The following MYO1B variants were observed in gnomAD, a reference collection of about 807,000 sequenced individuals.
MYO1B encodes myosin IB.
Under a neutral mutation model 159.7 loss-of-function variants are expected in MYO1B, and 72 were observed. The observed-to-expected ratio is 0.45, with a 90% CI of 0.37 to 0.55. The LOEUF is 0.55. Among genes scored for constraint, MYO1B ranks in the 20% least tolerant of loss-of-function variants. The probability of loss-of-function intolerance (pLI) is 0.00; values close to 1 mark genes in which losing one functional copy is unlikely to be tolerated. For synonymous variants in MYO1B, 468 were observed against 473.8 expected, an observed-to-expected ratio of 0.99 and a Z score of 0.16; for missense variants, 1,062 against 1,364.8, an observed-to-expected ratio of 0.78 and a Z score of 3.50.
At chr2:191,301,210 A>G (rs956579120) in intron 3 of MYO1B, among the ~76,000 whole-genome samples, 6 of 152,230 alleles carry the variant, frequency 3.9e-5, no homozygotes, top group Admixed American at 1.3e-4. Context: ...TCTTTCCAGT[A>G]TGATTTTTAA....
intron 21 of MYO1B, among the ~76,000 whole-genome samples, chr2:191,399,146 A>G (rs554015370): frequency 6.6e-6 from 1 of 152,192 alleles, no homozygotes; most frequent in East Asian, 1.9e-4. Context: ...CGCACCTGCA[A>G]TCGCAGGCAC....
At chr2:191,365,459 T>TTA (rs891950111) in intron 11 of MYO1B, among the ~76,000 whole-genome samples, 3 of 152,196 alleles carry the variant, frequency 2.0e-5, no homozygotes, top group African/African-American at 4.8e-5. Flanking sequence ...TACCATAACT[T>TTA]TATATATATG....
chr2:191,393,480 G>A (rs907730615), intron 20 of MYO1B, among the ~76,000 whole-genome samples: 1 of 152,158 alleles, frequency 6.6e-6, no homozygotes, highest in African/African-American at 2.4e-5. Context: ...CTCAAGTTCA[G>A]TGTGCCATAC....
At chr2:191,363,915 T>C in intron 10 of MYO1B, 40 bp downstream of exon 10, 1 of 1,611,866 alleles carries the variant, frequency 6.2e-7, no homozygotes, top group East Asian at 2.2e-5. Flanking sequence ...TTTAGGAAAC[T>C]TGCTTTGAAC....
intron 2 of MYO1B, among the ~76,000 whole-genome samples, chr2:191,295,458 A>AAATTTAATGTTGACATTAAATTT (rs1262496841): frequency 1.6e-4 from 24 of 152,226 alleles, no homozygotes; most frequent in Non-Finnish European, 3.4e-4. Context: ...CATTAAATTT[A>AAATTTAATGTTGACATTAAATTT]AATGTTGACA....
intron 15 of MYO1B, among the ~76,000 whole-genome samples, chr2:191,384,737 T>C (rs1205675978): frequency 1.3e-5 from 2 of 152,250 alleles, no homozygotes; most frequent in African/African-American, 4.8e-5. Context: ...CATTTAATTA[T>C]TCTCTTTTAA....
intron 1 of MYO1B, among the ~76,000 whole-genome samples, chr2:191,246,725 G>A (rs1685815384): frequency 6.6e-6 from 1 of 152,116 alleles, no homozygotes; most frequent in Admixed American, 6.5e-5. Flanking sequence ...GTATAATATA[G>A]TACAACAGTT....
At chr2:191,279,522 T>TA (rs974928837) in intron 2 of MYO1B, among the ~76,000 whole-genome samples, 15 of 151,968 alleles carry the variant, frequency 9.9e-5, no homozygotes, top group African/African-American at 3.1e-4. Flanking sequence ...CTTTTGTAAT[T>TA]AAAAAAAAGC....
intron 28 of MYO1B, 151 bp from the exon 29 acceptor site, chr2:191,414,366 C>T: frequency 3.9e-6 from 4 of 1,017,534 alleles, no homozygotes; most frequent in Non-Finnish European, 5.5e-6. Context: ...TGAAATAAAA[C>T]ATATTATTTA....
At chr2:191,347,160 C>G (rs964515642) in intron 6 of MYO1B, among the ~76,000 whole-genome samples, 1 of 152,200 alleles carries the variant, frequency 6.6e-6, no homozygotes, top group African/African-American at 2.4e-5. Context: ...TCTCCACCTT[C>G]TTCTTTTAGA....
In MYO1B at chr2:191,402,612, TAC is replaced by T. The variant is rs1407239695; in HGVS notation, c.2470-19_2470-18del. ...TCTGCATTGGGCTGTCTCTTTTATT[TAC>T]TATCTAAAACATTCTAGGCTCGAAG... On this transcript the variant is annotated intron_variant, in intron 23 of 30. Transcript: ENST00000392318. 6.2e-7 allele frequency: 1 copy of T among 1,609,444 alleles called. No homozygotes were observed. Among genetic ancestry groups the T allele is most frequent in the Admixed American group, 1.7e-5 (1 of 59,754 alleles).
chr2:191,248,547 G>A (rs1010610214), intron 1 of MYO1B, among the ~76,000 whole-genome samples: 9 of 152,142 alleles, frequency 5.9e-5, no homozygotes, highest in African/African-American at 1.4e-4. Context: ...GCTGCGGCTC[G>A]CTGCCACTGC....
chr2:191,403,987 G>A (rs1291298347), intron 24 of MYO1B, among the ~76,000 whole-genome samples: 3 of 152,036 alleles, frequency 2.0e-5, no homozygotes, highest in African/African-American at 7.2e-5. Flanking sequence ...AAGTTAACTG[G>A]GCTTACTCTA....
rs539610268 is a variant in MYO1B at position 191,382,890 on chromosome 2, G to A, written c.1291-390G>A. On this transcript the variant is annotated intron_variant, in intron 14 of 30. Transcript: ENST00000392318. ...TACAGATTCAGAACAGAAGAATCTAGGCTTTAAATTCTTGGGATCAAGTTC... is the reference window on the plus strand; with the variant it reads ...TACAGATTCAGAACAGAAGAATCTAAGCTTTAAATTCTTGGGATCAAGTTC... Among the ~76,000 whole-genome samples, 9 of 152,252 alleles carry A rather than the reference G, an allele frequency of 5.9e-5. No individual in the cohort carries two copies. In the East Asian group the frequency reaches 1.7e-3, roughly 29 times the overall value.
chr2:191,273,673 ATGTTCATTTT>A, intron 1 of MYO1B, among the ~76,000 whole-genome samples: 1 of 152,322 alleles, frequency 6.6e-6, no homozygotes, highest in South Asian at 2.1e-4. Context: ...CCTAGATCAC[ATGTTCATTTT>A]TGGTACCCAG....
At chr2:191,335,231 A>C (rs78376390) in intron 4 of MYO1B, among the ~76,000 whole-genome samples, 2 of 152,138 alleles carry the variant, frequency 1.3e-5, no homozygotes, top group East Asian at 3.9e-4. Flanking sequence ...AGTCCTTTTC[A>C]CTTATGGAAC....
At chr2:191,390,519 TAATG>T in intron 18 of MYO1B, 27 bp downstream of exon 18, 3 of 1,599,486 alleles carry the variant, frequency 1.9e-6, no homozygotes, top group Non-Finnish European at 2.6e-6. Flanking sequence ...CCATATTTAA[TAATG>T]AATGTTTTAA....
rs566002654 is a variant in MYO1B, at chr2:191,417,641, A to C, written c.3287+1399A>C. ...AAATCACACCAACATCCAGACCACA[A>C]AGTACTGCTATTTTTAAGCATTTCC... On this transcript the variant is annotated intron_variant, in intron 30 of 30. Transcript: ENST00000392318. 5.3e-5 allele frequency among the ~76,000 whole-genome samples: 8 copies of C among 152,294 alleles called. No homozygotes were observed. The South Asian group carries it at 1.7e-3, about 32-fold the overall frequency.
chr2:191,390,428 C>T lies in MYO1B; in HGVS notation c.1918C>T (p.Pro640Ser). 5 of 1,614,216 alleles carry T rather than the reference C, an allele frequency of 3.1e-6. No homozygotes were observed. The highest frequency in any genetic ancestry group is 4.2e-6 in the Non-Finnish European group (5 of 1,180,028). Residue 640 changes from proline to serine, a missense_variant, in exon 18 of 31, where the codon CCT becomes TCT. Physicochemically the swap from Pro to Ser is moderately conservative, Grantham distance 74 (BLOSUM62 -1). Around this residue, in one of 5 missense-constraint regions of MYO1B, gnomAD observed 609 missense variants for 744.4 expected, o/e 0.82. Coordinates refer to ENST00000392318, the MANE Select transcript of MYO1B (RefSeq NM_001130158.3). The stretch of plus-strand genomic sequence containing the variant: ...CTACGCCTTCAGGCAGGCCTATGAA[C>T]CTTGCCTAGAAAGATACAAAATGCT... ...AGYAFRQAYE[P>S]CLERYKMLCK...
Sources: gnomAD v4.1 joint callset for allele counts (sites outside exome capture counted in the v4.1 genomes callset) on GRCh38, gnomAD v4.1.1 for gene constraint, gnomAD v4.1.1 regional missense constraint, MANE v1.5 for transcripts, NCBI Gene and HGNC (gene_info 2026-07-23, HGNC 2026-07-21) for gene names.